UHMK1: variants seen among roughly 807,000 people sequenced by gnomAD.
The protein encoded by UHMK1 is U2AF homology motif kinase 1.
Under a neutral mutation model 44.0 loss-of-function variants are expected in UHMK1, and 18 were observed. That is an observed-to-expected ratio of 0.41 (90% CI 0.28 to 0.61). UHMK1 has a LOEUF of 0.61. UHMK1 is among the 20% of genes least tolerant of loss of function. The pLI, the probability that UHMK1 is intolerant of heterozygous loss-of-function variation, is 0.31. For synonymous variants in UHMK1, 231 were observed against 198.5 expected (o/e 1.16, Z -1.38); for missense variants, 463 against 522.5 (o/e 0.89, Z 1.11).
In UHMK1 at chr1:162,515,153, C is replaced by A. The variant is rs77272771; in HGVS notation, c.1024+2330C>A. 5.9e-5 allele frequency among the ~76,000 whole-genome samples: 9 copies of A among 151,446 alleles called. No homozygotes were observed. The South Asian group carries it at 1.0e-3, about 17-fold the overall frequency. ...ATTTAAAATAGAAAAAAATTTAAAA[C>A]AGCAAACAGAAAGCTTTATTTTATG... On this transcript the variant is annotated intron_variant, in intron 6 of 7. Transcript: ENST00000489294.
At chr1:162,521,950 A>G (rs1652074752) in intron 7 of UHMK1, among the ~76,000 whole-genome samples, 1 of 152,182 alleles carries the variant, frequency 6.6e-6, no homozygotes, top group Non-Finnish European at 1.5e-5. Flanking sequence ...TAATAGGTGC[A>G]ATTTCCAGCA....
At position 162,513,782 on chromosome 1, in the gene UHMK1, C is replaced by T. The variant is rs751067899; in HGVS notation, c.1024+959C>T. ...GCTAACGAGGTAGCCAGAGTACAGA[C>T]GAGTTTGCTATGTTTAAGAATTTGG... On this transcript the variant is annotated intron_variant, in intron 6 of 7. Transcript: ENST00000489294. Among the ~76,000 whole-genome samples the T allele has an allele frequency of 2.2e-4, 33 of 152,222 alleles. 1 individual carries two copies. In the Middle Eastern group the frequency reaches 0.014, roughly 63 times the overall value.
chr1:162,509,889 C>A (rs1267831748), intron 4 of UHMK1, among the ~76,000 whole-genome samples: 2 of 152,310 alleles, frequency 1.3e-5, no homozygotes, highest in South Asian at 4.1e-4. Flanking sequence ...AAGTGGTCCA[C>A]CCACCTCTGC....
At chr1:162,519,526 A>G (rs553853157) in intron 7 of UHMK1, among the ~76,000 whole-genome samples, 1 of 152,326 alleles carries the variant, frequency 6.6e-6, no homozygotes, top group South Asian at 2.1e-4. Context: ...TAGCCTCAAT[A>G]TGATTAGCTT....
Position 162,497,961 on chromosome 1 carries a change from G to A in UHMK1, c.-40G>A, listed in dbSNP as rs371987565. On this transcript the variant is annotated 5_prime_UTR_variant, in exon 1 of 8. Transcript: ENST00000489294. ...CGGGCCCGGCCGGCCTGCCTCAGGC[G>A]TCGCGTCAGCTCCCGTGTCCGTGCC... is the stretch of plus-strand genomic sequence containing the variant. The A allele has an allele frequency of 1.3e-4, 187 of 1,452,646 alleles. No homozygotes were observed. The highest frequency in any genetic ancestry group is 1.5e-4 in the Non-Finnish European group (163 of 1,102,932). 90.0% of individuals were successfully genotyped at this position (1,452,646 alleles called of 1,614,324 possible).
At chr1:162,507,966 C>T (rs1651537399) in intron 4 of UHMK1, among the ~76,000 whole-genome samples, 4 of 152,068 alleles carry the variant, frequency 2.6e-5, no homozygotes, top group Non-Finnish European at 5.9e-5. Flanking sequence ...CCTTGTATCT[C>T]TTATAGTGTA....
chr1:162,499,374 C>T (rs1253713799), intron 1 of UHMK1, among the ~76,000 whole-genome samples: 2 of 152,060 alleles, frequency 1.3e-5, no homozygotes, highest in Non-Finnish European at 1.5e-5. Flanking sequence ...TTTTGTTACC[C>T]AGGCTGGTCT....
At chr1:162,520,920 T>C (rs960464901) in intron 7 of UHMK1, among the ~76,000 whole-genome samples, 3 of 152,178 alleles carry the variant, frequency 2.0e-5, no homozygotes, top group African/African-American at 7.2e-5. Flanking sequence ...AGGAGAAGTC[T>C]TTTCCAGAGA....
At chr1:162,503,630 A>AG in intron 3 of UHMK1, 124 bp from the exon 4 acceptor site, 2 of 557,134 alleles carry the variant, frequency 3.6e-6, no homozygotes, top group East Asian at 3.3e-5. Context: ...AAAAAAAAAA[A>AG]AGATTGTAGG....
intron 4 of UHMK1, among the ~76,000 whole-genome samples, chr1:162,508,123 A>G (rs1424527304): frequency 1.3e-5 from 2 of 151,174 alleles, no homozygotes; most frequent in African/African-American, 4.9e-5. Flanking sequence ...AGTTTTTTGC[A>G]GGGGGAGGAG....
intron 6 of UHMK1, among the ~76,000 whole-genome samples, chr1:162,515,876 T>C (rs1651817999): frequency 6.6e-6 from 1 of 151,368 alleles, no homozygotes; most frequent in African/African-American, 2.4e-5. Flanking sequence ...CTACTAAAAA[T>C]ACAAAAAATT....
chr1:162,497,926 G>A lies in UHMK1; in HGVS notation c.-75G>A, dbSNP rs553959593. The A allele has an allele frequency of 5.4e-5, 78 of 1,436,510 alleles. No homozygotes were observed. In the African/African-American group the frequency reaches 1.0e-3, roughly 19 times the overall value. 89.0% of individuals were successfully genotyped at this position (1,436,510 alleles called of 1,614,324 possible). Reference sequence around the variant, plus strand: ...CGGAGCCGCTGGTCCGGCTGGCGGAGATGTGACCGCGGGCCCGGCCGGCCT... The same window carrying A: ...CGGAGCCGCTGGTCCGGCTGGCGGAAATGTGACCGCGGGCCCGGCCGGCCT... On this transcript the variant is annotated 5_prime_UTR_variant, in exon 1 of 8. Transcript: ENST00000489294.
At chr1:162,522,237 T>A in intron 7 of UHMK1, among the ~76,000 whole-genome samples, 167 bp from the exon 8 acceptor site, 1 of 152,200 alleles carries the variant, frequency 6.6e-6, no homozygotes, top group East Asian at 1.9e-4. Flanking sequence ...TGGCATCACC[T>A]GGAAGTTTGT....
In UHMK1 at chr1:162,526,996, A is replaced by C. The variant is rs539337865; in HGVS notation, c.*4446A>C. ...TCAATCACCTTTATTTTGAGATGGT[A>C]GTTTTTCAAGTTAGTATTACTTACT... On this transcript the variant is annotated 3_prime_UTR_variant, in exon 8 of 8. Coordinates refer to ENST00000489294, the MANE Select transcript of UHMK1 (RefSeq NM_175866.5). 7.2e-5 allele frequency: 11 copies of C among 152,100 alleles called. No homozygotes were observed. Among genetic ancestry groups the C allele is most frequent in the Admixed American group, 4.6e-4 (7 of 15,260 alleles). The allele number at this position is 152,100 out of a possible 1,614,324, so 9.4% of individuals were successfully genotyped here. A position where few individuals can be genotyped will look rare whatever the true frequency, so the allele number is the denominator to read the frequency against.
chr1:162,497,766 G>C (rs1466112957), upstream of UHMK1: 10 of 1,252,856 alleles, frequency 8.0e-6, no homozygotes, highest in Non-Finnish European at 9.1e-6. Flanking sequence ...CCCCTTCTGA[G>C]CCCCCCCTCC....
upstream of UHMK1, chr1:162,497,685 A>C: frequency 1.2e-6 from 1 of 841,250 alleles, no homozygotes; most frequent in Non-Finnish European, 1.6e-6. Flanking sequence ...TAGATACTCA[A>C]TAATTAAGGT....
At chr1:162,506,188 A>G (rs2129638) in intron 4 of UHMK1, among the ~76,000 whole-genome samples, 64,391 of 148,110 alleles carry the variant, frequency 0.43, 14,129 homozygotes, top group East Asian at 0.49. Context: ...AAGTTCTAGT[A>G]TTGACTTTCT....
At chr1:162,518,807 T>C (rs1449617334) in intron 7 of UHMK1, among the ~76,000 whole-genome samples, 1 of 150,206 alleles carries the variant, frequency 6.7e-6, no homozygotes, top group Non-Finnish European at 1.5e-5. Context: ...GCCAACATGG[T>C]GAACCCTTTT....
chr1:162,522,571 T>C lies in UHMK1; in HGVS notation c.*21T>C. 1.9e-6 allele frequency: 3 copies of C among 1,603,988 alleles called. No individual in the cohort carries two copies. The highest frequency in any genetic ancestry group is 2.6e-6 in the Non-Finnish European group (3 of 1,175,574). ...TTTAATCAGTAACCTAAGGACTGTT[T>C]CCTTTTTCTCCTCTTCCATTTCTTG... On this transcript the variant is annotated 3_prime_UTR_variant, in exon 8 of 8. Transcript: ENST00000489294.
Sources: allele counts gnomAD v4.1 joint callset (sites outside exome capture counted in the v4.1 genomes callset), GRCh38; gene constraint gnomAD v4.1.1; transcripts MANE v1.5; gene names NCBI Gene and HGNC (gene_info 2026-07-23, HGNC 2026-07-21).